Variants in PBRM1 observed in about 807,000 individuals in gnomAD.
The protein encoded by PBRM1 is protein polybromo-1.
Under a neutral mutation model 194.5 loss-of-function variants are expected in PBRM1, and 27 were observed. The ratio of observed to expected loss-of-function variants is 0.14; its 90% CI spans 0.10 to 0.19. The LOEUF is 0.19. Ranked by LOEUF, PBRM1 falls within the 10% of genes least tolerant of loss-of-function variation. PBRM1 has a pLI of 1.00. For missense variants in PBRM1, 1,466 were observed against 2,077.2 expected, an observed-to-expected ratio of 0.71 and a Z score of 5.72; for synonymous variants, 655 against 693.2, an observed-to-expected ratio of 0.94 and a Z score of 0.87.
At chr3:52,676,979 C>G (rs2097120353) in intron 2 of PBRM1, among the ~76,000 whole-genome samples, 1 of 152,178 alleles carries the variant, frequency 6.6e-6, no homozygotes, top group Admixed American at 6.5e-5. Flanking sequence ...GAAGAAACTT[C>G]TAAGCAGCAA....
chr3:52,661,120 G>A (rs1314586690), intron 4 of PBRM1, among the ~76,000 whole-genome samples: 1 of 151,994 alleles, frequency 6.6e-6, no homozygotes, highest in African/African-American at 2.4e-5. Context: ...CCACCTCCTG[G>A]GTTCAAGCGA....
intron 22 of PBRM1, among the ~76,000 whole-genome samples, chr3:52,573,659 T>C (rs1264571098): frequency 2.0e-5 from 3 of 152,252 alleles, no homozygotes; most frequent in East Asian, 1.9e-4. Context: ...TCAGTGAATA[T>C]GGAGGAGTAG....
chr3:52,587,986 CA>C (rs2092620596), intron 18 of PBRM1, among the ~76,000 whole-genome samples: 1 of 151,972 alleles, frequency 6.6e-6, no homozygotes, highest in Non-Finnish European at 1.5e-5. Context: ...AGTGCAATCA[CA>C]CCCTGCTGAT....
exon 17 of PBRM1, chr3:52,603,536 C>T (rs774893166): frequency 3.1e-6 from 5 of 1,594,384 alleles, no homozygotes; most frequent in South Asian, 1.1e-5. Context: ...TTTTCTTCTT[C>T]TCGTTTTAGT....
chr3:52,546,769 A>T, downstream of PBRM1: 1 of 233,246 alleles, frequency 4.3e-6, no homozygotes, highest in Non-Finnish European at 8.5e-6. Flanking sequence ...TATAAGAAAG[A>T]CAGGGTCACC....
chr3:52,680,080 T>C (rs1303514098), upstream of PBRM1, among the ~76,000 whole-genome samples: 2 of 152,214 alleles, frequency 1.3e-5, no homozygotes, highest in Non-Finnish European at 2.9e-5. Flanking sequence ...CTTCAGCCCA[T>C]GAGGCAGTCA....
At chr3:52,623,344 G>A (rs2095341722) in intron 13 of PBRM1, among the ~76,000 whole-genome samples, 1 of 152,186 alleles carries the variant, frequency 6.6e-6, no homozygotes, top group African/African-American at 2.4e-5. Flanking sequence ...TCTAATCAAA[G>A]TCAACCCTGT....
At chr3:52,563,385 C>T in exon 24 of PBRM1, 3 of 1,613,972 alleles carry the variant, frequency 1.9e-6, no homozygotes, top group Non-Finnish European at 2.5e-6. Flanking sequence ...CTTCTCCCAT[C>T]TCTTCAATAT....
intron 17 of PBRM1, among the ~76,000 whole-genome samples, chr3:52,591,741 A>G (rs2093076501): frequency 6.8e-6 from 1 of 147,500 alleles, no homozygotes; most frequent in Non-Finnish European, 1.5e-5. Flanking sequence ...GCTGGTCTTG[A>G]ACTTCTCACC....
At chr3:52,611,770 C>T (rs957600336) in intron 15 of PBRM1, among the ~76,000 whole-genome samples, 2 of 152,068 alleles carry the variant, frequency 1.3e-5, no homozygotes, top group Admixed American at 1.3e-4. Flanking sequence ...TGCCACTACA[C>T]TCCAGCCTGG....
intron 20 of PBRM1, among the ~76,000 whole-genome samples, chr3:52,582,220 C>T (rs188335282): frequency 1.6e-5 from 2 of 128,906 alleles, no homozygotes; most frequent in African/African-American, 3.0e-5. Context: ...CCAGCCTGGG[C>T]GACAGAGCGA....
intron 17 of PBRM1, among the ~76,000 whole-genome samples, chr3:52,591,551 C>T (rs1226084631): frequency 5.8e-5 from 6 of 103,698 alleles, no homozygotes; most frequent in African/African-American, 2.3e-4. Context: ...CGGAGTCTTG[C>T]TCTTGTCTCC....
intron 11 of PBRM1, among the ~76,000 whole-genome samples, chr3:52,632,190 G>C (rs2095640449): frequency 6.6e-6 from 1 of 152,116 alleles, no homozygotes; most frequent in African/African-American, 2.4e-5. Flanking sequence ...CATGAATTTT[G>C]TGTCTGTCTG....
chr3:52,643,206 TAAG>T, intron 9 of PBRM1, 39 bp downstream of exon 10: 1 of 1,379,450 alleles, frequency 7.2e-7, no homozygotes, highest in Non-Finnish European at 1.0e-6. Flanking sequence ...CCTATCTTTA[TAAG>T]CACAGGTCAA....
exon 23 of PBRM1, chr3:52,564,146 C>T (rs2153525822): frequency 1.9e-6 from 3 of 1,613,542 alleles, no homozygotes; most frequent in Non-Finnish European, 2.5e-6. Context: ...CTCATTGTAG[C>T]GGCTCTCACA....
intron 24 of PBRM1, among the ~76,000 whole-genome samples, chr3:52,562,413 C>T (rs1423177538): frequency 1.3e-5 from 2 of 151,766 alleles, no homozygotes; most frequent in African/African-American, 4.8e-5. Context: ...TTATAGCTGG[C>T]TATTTTCTTG....
intron 22 of PBRM1, among the ~76,000 whole-genome samples, chr3:52,569,743 A>G (rs961039347): frequency 2.0e-5 from 3 of 152,224 alleles, no homozygotes; most frequent in Non-Finnish European, 4.4e-5. Flanking sequence ...AAGTTTATCT[A>G]AGGTATTTTA....
At chr3:52,625,553 A>T (rs1283443361) in intron 13 of PBRM1, among the ~76,000 whole-genome samples, 2 of 151,674 alleles carry the variant, frequency 1.3e-5, no homozygotes, top group Admixed American at 6.6e-5. Flanking sequence ...AGATTTTTTT[A>T]AATTAAGAAC....
chr3:52,601,405 C>A (rs1227800643), intron 17 of PBRM1, among the ~76,000 whole-genome samples: 1 of 152,160 alleles, frequency 6.6e-6, no homozygotes, highest in Non-Finnish European at 1.5e-5. Flanking sequence ...GATCATCAGG[C>A]ATTAAGAGTT....
Sources: allele counts gnomAD v4.1 joint callset (sites outside exome capture counted in the v4.1 genomes callset), GRCh38; gene constraint gnomAD v4.1.1; transcripts MANE v1.5; gene names NCBI Gene and HGNC (gene_info 2026-07-23, HGNC 2026-07-21).